The following FURIN variants were observed in gnomAD, a reference collection of about 807,000 sequenced individuals.
FURIN encodes FES upstream region.
In FURIN, 18 loss-of-function variants were observed where a neutral mutation model predicts 89.2. The observed-to-expected ratio is 0.20, with a 90% CI of 0.14 to 0.30. FURIN has a LOEUF of 0.30. FURIN is among the 10% of genes least tolerant of loss of function. The pLI, the probability that FURIN is intolerant of heterozygous loss-of-function variation, is 1.00. For missense variants in FURIN, 879 were observed against 1,100.5 expected, an observed-to-expected ratio of 0.80 and a Z score of 2.85; for synonymous variants, 508 against 466.4, an observed-to-expected ratio of 1.09 and a Z score of -1.15.
At chr15:90,880,614 C>A in intron 13 of FURIN, 77 bp from the exon 14 acceptor site, 6 of 1,492,870 alleles carry the variant, frequency 4.0e-6, no homozygotes, top group Non-Finnish European at 4.6e-6. Flanking sequence ...GGGTGTGTGG[C>A]CCATGTGCTG....
chr15:90,877,731 G>T, intron 7 of FURIN, 116 bp downstream of exon 7: 1 of 745,422 alleles, frequency 1.3e-6, no homozygotes, highest in East Asian at 2.8e-5. Flanking sequence ...CTTTGATCAC[G>T]TGGCTGTTCC....
chr15:90,871,306 C>T (rs1465850158), intron 1 of FURIN, among the ~76,000 whole-genome samples: 1 of 152,076 alleles, frequency 6.6e-6, no homozygotes, highest in East Asian at 1.9e-4. Flanking sequence ...CCGGGGAGCT[C>T]GCGGGGCGAA....
chr15:90,877,409 G>A (rs1448572747), intron 6 of FURIN, 118 bp from the exon 7 acceptor site: 7 of 912,698 alleles, frequency 7.7e-6, no homozygotes, highest in Non-Finnish European at 1.2e-5. Context: ...GATGGGGGCT[G>A]GGTACTCAGG....
At chr15:90,870,499 T>C (rs1208593450) in intron 1 of FURIN, among the ~76,000 whole-genome samples, 1 of 151,966 alleles carries the variant, frequency 6.6e-6, no homozygotes, top group Non-Finnish European at 1.5e-5. Context: ...CCCGGGAACC[T>C]GTGTTAAGGA....
At position 90,868,731 on chromosome 15, in the gene FURIN, G is replaced by C. The variant is rs959993212; in HGVS notation, c.-160+20G>C. 6.6e-6 allele frequency: 1 copy of C among 152,192 alleles called. No individual in the cohort carries two copies. The highest frequency in any genetic ancestry group is 2.4e-5 in the African/African-American group (1 of 41,444). 9.4% of individuals were successfully genotyped at this position (152,192 alleles called of 1,614,324 possible). A position where few individuals can be genotyped will look rare whatever the true frequency, so the allele number is the denominator to read the frequency against. Reference sequence around the variant, plus strand: ...GGTGAAGTATGGACATGCTTTATTCGATTTTGCATTGACTTAAAGGTTTAA... The same window carrying C: ...GGTGAAGTATGGACATGCTTTATTCCATTTTGCATTGACTTAAAGGTTTAA... On this transcript the variant is annotated intron_variant, in intron 1 of 15. Transcript: ENST00000268171.
At chr15:90,871,135 C>G (rs1452298974) in intron 1 of FURIN, among the ~76,000 whole-genome samples, 1 of 152,192 alleles carries the variant, frequency 6.6e-6, no homozygotes, top group Non-Finnish European at 1.5e-5. Flanking sequence ...TCCGCCGTCC[C>G]TGGGCACTTA....
At chr15:90,870,666 A>T (rs2031242755) in intron 1 of FURIN, among the ~76,000 whole-genome samples, 1 of 152,212 alleles carries the variant, frequency 6.6e-6, no homozygotes, top group African/African-American at 2.4e-5. Flanking sequence ...GGCCTCAGCC[A>T]AGTAGCACAA....
intron 1 of FURIN, among the ~76,000 whole-genome samples, chr15:90,870,625 C>T (rs979443076): frequency 6.6e-6 from 1 of 152,170 alleles, no homozygotes; most frequent in Non-Finnish European, 1.5e-5. Flanking sequence ...GCCACATTTT[C>T]CTTCTTTTCT....
chr15:90,875,095 C>T (rs1055222210), intron 1 of FURIN, among the ~76,000 whole-genome samples: 1 of 141,944 alleles, frequency 7.0e-6, no homozygotes, highest in Non-Finnish European at 1.5e-5. Context: ...AATGCAGTGG[C>T]GCGATCTTGG....
In FURIN at chr15:90,878,871, C is replaced by G. The variant is rs766621294; in HGVS notation, c.948C>G (p.Ser316=). Residue 316 remains serine (S), a synonymous_variant, in exon 9 of 16, where the codon TCC becomes TCG. Transcript: ENST00000268171. ...ACACCAACAGTATCTACACGCTGTCCATCAGCAGCGCCACGCAGTTTGGCA... is the reference window on the plus strand; with the variant it reads ...ACACCAACAGTATCTACACGCTGTCGATCAGCAGCGCCACGCAGTTTGGCA... The part of the protein sequence containing the change: ...DGYTNSIYTL[S]ISSATQFGNV... 15 of 1,612,130 alleles carry G rather than the reference C, an allele frequency of 9.3e-6. No homozygotes were observed. Among genetic ancestry groups the G allele is most frequent in the African/African-American group, 1.3e-5 (1 of 74,916 alleles).
At chr15:90,871,396 G>A (rs1443190383) in intron 1 of FURIN, 1 of 151,252 alleles carries the variant, frequency 6.6e-6, no homozygotes, top group Non-Finnish European at 1.5e-5. Context: ...GGGATCGCCT[G>A]CCCCACTTCC....
Position 90,880,683 on chromosome 15 carries a change from C to G in FURIN, c.1557-8C>G, listed in dbSNP as rs764908310. The G allele has an allele frequency of 1.9e-6, 3 of 1,610,202 alleles. No homozygotes were observed. In the South Asian group the frequency reaches 3.3e-5, roughly 18 times the overall value. Reference sequence around the variant, plus strand: ...AGGCCTCAGGGCTGTGTGCACTCCCCTCCCCAGGCCACATGACTACTCCGC... The same window carrying G: ...AGGCCTCAGGGCTGTGTGCACTCCCGTCCCCAGGCCACATGACTACTCCGC... On this transcript the variant is annotated splice_polypyrimidine_tract_variant and splice_region_variant and intron_variant, in intron 13 of 15. Coordinates refer to ENST00000268171, the MANE Select transcript of FURIN (RefSeq NM_002569.4).
chr15:90,876,432 C>CA lies in FURIN; in HGVS notation c.277-30_277-29insA. 6.3e-7 allele frequency: 1 copy of CA among 1,576,568 alleles called. No homozygotes were observed. The highest frequency in any genetic ancestry group is 1.1e-5 in the South Asian group (1 of 90,338). ...GAGCCCCTCTCGCCTCCTGCTCCAC[C>CA]CACACCATCTCTCCCTCACTCCCCC... On this transcript the variant is annotated intron_variant, in intron 3 of 15. Transcript: ENST00000268171. The surrounding 1 kb of genome is among the most constrained non-coding windows in gnomAD (Gnocchi z 5.0).
intron 1 of FURIN, among the ~76,000 whole-genome samples, chr15:90,872,707 CAGCAAAT>C (rs1442459241): frequency 6.6e-6 from 1 of 152,200 alleles, no homozygotes; most frequent in Non-Finnish European, 1.5e-5. Flanking sequence ...TAAGATCATC[CAGCAAAT>C]AGTGGGCAGG....
Position 90,882,020 on chromosome 15 carries a change from G to T in FURIN, c.*142G>T. The T allele has an allele frequency of 1.5e-6, 1 of 648,820 alleles. No homozygotes were observed. The highest frequency in any genetic ancestry group is 2.7e-6 in the Non-Finnish European group (1 of 373,066). The allele number at this position is 648,820 out of a possible 1,614,324, so 40.2% of individuals were successfully genotyped here. On this transcript the variant is annotated 3_prime_UTR_variant, in exon 16 of 16. Transcript: ENST00000268171. ...GAGACTGCTTCCCATCCTACCCTCG[G>T]GCCCACCTGGCCACCTGAGGTGGGC...
intron 9 of FURIN, 140 bp downstream of exon 9, chr15:90,879,116 G>A: frequency 1.6e-6 from 1 of 630,574 alleles, no homozygotes; most frequent in Non-Finnish European, 2.8e-6. Flanking sequence ...CATGAACTCT[G>A]GGGCTCTGTA....
intron 8 of FURIN, 95 bp downstream of exon 8, chr15:90,878,399 T>C: frequency 9.5e-7 from 1 of 1,050,796 alleles, no homozygotes; most frequent in Non-Finnish European, 1.3e-6. Context: ...TATTCTCATG[T>C]TTAACTTTAC....
rs754114665 is a variant in FURIN, at chr15:90,880,909, C to T, written c.1682-21C>T. On this transcript the variant is annotated intron_variant, in intron 14 of 15. Transcript: ENST00000268171. ...GTGCCAGCACTGTCTTAACTCTTGC[C>T]TCCTCCCCGCTCTGGAACAGGGACG... is the stretch of plus-strand genomic sequence containing the variant. 2.5e-6 allele frequency: 4 copies of T among 1,611,804 alleles called. No individual in the cohort carries two copies. The South Asian group carries it at 3.3e-5, about 13-fold the overall frequency.
chr15:90,876,884 G>C lies in FURIN; in HGVS notation c.373-12G>C, dbSNP rs765457772. ...TCATGTCTCATAAGTGATGGGGTGG[G>C]TGTCTCCACAGTCTGGTGTCACTCA... On this transcript the variant is annotated splice_polypyrimidine_tract_variant and intron_variant, in intron 4 of 15. Coordinates refer to ENST00000268171, the MANE Select transcript of FURIN (RefSeq NM_002569.4). This position sits in a 1 kb window ranked among gnomAD's most constrained non-coding sequence, Gnocchi z 5.0. The C allele has an allele frequency of 1.2e-6, 2 of 1,613,780 alleles. No individual in the cohort carries two copies. Among genetic ancestry groups the C allele is most frequent in the Non-Finnish European group, 1.7e-6 (2 of 1,179,748 alleles).
Sources: allele counts gnomAD v4.1 joint callset (sites outside exome capture counted in the v4.1 genomes callset), GRCh38; gene constraint gnomAD v4.1.1; non-coding constraint Gnocchi (gnomAD v3.1); transcripts MANE v1.5; gene names NCBI Gene and HGNC (gene_info 2026-07-23, HGNC 2026-07-21).